Variants in SLC17A1 observed in about 807,000 individuals in gnomAD.
The protein encoded by SLC17A1 is solute carrier family 17 member 1, also known as sodium-dependent phosphate transport protein 1.
In SLC17A1, 51 loss-of-function variants were observed where a neutral mutation model predicts 53.5. The observed-to-expected ratio is 0.95, with a 90% CI of 0.76 to 1.20. The LOEUF is 1.20. Ranked by LOEUF, SLC17A1 falls within the 50% of genes most tolerant of loss-of-function variation. The pLI is 0.00. For missense variants in SLC17A1, 538 were observed against 568.2 expected (o/e 0.95, Z 0.54); for synonymous variants, 179 against 198.8 (o/e 0.90, Z 0.84).
At chr6:25,741,582 A>T in the SLC17A1 span, among the ~76,000 whole-genome samples, 3 of 151,982 alleles carry the variant, frequency 2.0e-5, no homozygotes, top group Non-Finnish European at 4.4e-5. Flanking sequence ...GGGCGTGGTC[A>T]TGGGCCGCCT....
At chr6:25,797,850 G>A (rs917454347) in intron 12 of SLC17A1, among the ~76,000 whole-genome samples, 2 of 151,952 alleles carry the variant, frequency 1.3e-5, no homozygotes, top group Admixed American at 6.6e-5. Flanking sequence ...CACCCGCCTC[G>A]TCCTCCCTAT....
rs200925990 is a variant in SLC17A1 at position 25,822,942 on chromosome 6, A to AT, written c.208-3028dup. Among the ~76,000 whole-genome samples the AT allele has an allele frequency of 9.1e-3, 1,380 of 151,564 alleles. 19 individuals carry two copies. Among genetic ancestry groups the AT allele is most frequent in the African/African-American group, 0.028 (1,172 of 41,338 alleles). ...TCTTTATCTCCAAAAACTTCCTCCT[A>AT]TTTTTTTTGTAATTCCTCCCTCCTG... On this transcript the variant is annotated intron_variant, in intron 3 of 12. Coordinates refer to ENST00000244527, the MANE Select transcript of SLC17A1 (RefSeq NM_005074.5).
At chr6:25,825,709 G>A (rs1764716677) in intron 3 of SLC17A1, among the ~76,000 whole-genome samples, 1 of 151,734 alleles carries the variant, frequency 6.6e-6, no homozygotes, top group Admixed American at 6.6e-5. Flanking sequence ...ATTATGGAAA[G>A]TTCTCAGCCA....
At chr6:25,744,339 C>G in the SLC17A1 span, among the ~76,000 whole-genome samples, 1 of 152,162 alleles carries the variant, frequency 6.6e-6, no homozygotes, top group South Asian at 2.1e-4. Flanking sequence ...AGGAAACACA[C>G]CTGTCCAGTT....
chr6:25,800,917 G>A lies in SLC17A1; in HGVS notation c.1242C>T (p.Ser414=). The A allele has an allele frequency of 6.2e-7, 1 of 1,608,316 alleles. No homozygotes were observed. Among genetic ancestry groups the A allele is most frequent in the Non-Finnish European group, 8.5e-7 (1 of 1,174,990 alleles). The change falls in exon 11 of 13, where the codon TCC becomes TCT. Residue 414 remains serine (S), a synonymous_variant. Coordinates refer to ENST00000244527, the MANE Select transcript of SLC17A1 (RefSeq NM_005074.5). ...GCTTAAGGATCAATCCAGTCAAAGTGGAAGCAATTAGTCCTCCTATCATTC... is the reference window on the plus strand; with the variant it reads ...GCTTAAGGATCAATCCAGTCAAAGTAGAAGCAATTAGTCCTCCTATCATTC... ...LTGMIGGLIA[S]TLTGLILKQD...
the SLC17A1 span, chr6:25,773,573 G>A: frequency 6.2e-7 from 1 of 1,613,900 alleles, no homozygotes; most frequent in Non-Finnish European, 8.5e-7. Context: ...ACCACTCTGG[G>A]CCATTTTAGT....
At chr6:25,745,097 T>G in the SLC17A1 span, among the ~76,000 whole-genome samples, 1 of 152,116 alleles carries the variant, frequency 6.6e-6, no homozygotes, top group African/African-American at 2.4e-5. Flanking sequence ...ATCAAACAGA[T>G]AGTAATCAAG....
At chr6:25,815,422 CCA>C (rs923989334) in intron 6 of SLC17A1, among the ~76,000 whole-genome samples, 2 of 151,446 alleles carry the variant, frequency 1.3e-5, no homozygotes, top group Non-Finnish European at 2.9e-5. Context: ...CCAAATGACC[CCA>C]GTTTTTTAAG....
chr6:25,753,845 G>A, the SLC17A1 span, among the ~76,000 whole-genome samples: 1 of 152,150 alleles, frequency 6.6e-6, no homozygotes, highest in African/African-American at 2.4e-5. Context: ...GGTGTGAAAG[G>A]AAAGGGGACT....
the SLC17A1 span, among the ~76,000 whole-genome samples, chr6:25,765,561 A>G: frequency 1.3e-5 from 2 of 152,248 alleles, no homozygotes; most frequent in African/African-American, 2.4e-5. Context: ...GACAATAACA[A>G]TAATAATAAA....
the SLC17A1 span, among the ~76,000 whole-genome samples, chr6:25,746,088 C>T: frequency 6.6e-6 from 1 of 152,170 alleles, no homozygotes; most frequent in African/African-American, 2.4e-5. Context: ...ATCTAGTGAA[C>T]TTAAATGTTT....
the SLC17A1 span, among the ~76,000 whole-genome samples, chr6:25,774,075 T>G: frequency 1.3e-5 from 2 of 152,168 alleles, no homozygotes; most frequent in Non-Finnish European, 2.9e-5. Flanking sequence ...GAGAAAATTG[T>G]GACAGAGAAA....
chr6:25,752,969 CA>C, the SLC17A1 span, among the ~76,000 whole-genome samples: 27,871 of 146,454 alleles, frequency 0.19, 2,961 homozygotes, highest in Non-Finnish European at 0.22. Flanking sequence ...CAAAAAAAAA[CA>C]AAAAAAAAAC....
the SLC17A1 span, among the ~76,000 whole-genome samples, chr6:25,763,226 C>A: frequency 8.2e-4 from 125 of 152,334 alleles, no homozygotes; most frequent in African/African-American, 3.0e-3. Context: ...CCACTCCAGG[C>A]TATAGCTGTA....
chr6:25,749,796 C>A, the SLC17A1 span, among the ~76,000 whole-genome samples: 2 of 152,028 alleles, frequency 1.3e-5, no homozygotes, highest in Non-Finnish European at 2.9e-5. Flanking sequence ...TTACTTTGAT[C>A]AATTCAATTT....
At chr6:25,817,874 A>C (rs1474346687) in intron 6 of SLC17A1, among the ~76,000 whole-genome samples, 2 of 152,158 alleles carry the variant, frequency 1.3e-5, no homozygotes, top group Non-Finnish European at 2.9e-5. Context: ...CCCTTTCCTG[A>C]TAAGGGGCTT....
the SLC17A1 span, chr6:25,761,930 G>C: frequency 6.5e-7 from 1 of 1,548,684 alleles, no homozygotes; most frequent in Non-Finnish European, 8.9e-7. Context: ...ATTTCAGTAA[G>C]TAAATGCCAG....
the SLC17A1 span, chr6:25,726,166 GTCT>G: frequency 6.4e-7 from 1 of 1,573,078 alleles, no homozygotes; most frequent in South Asian, 1.2e-5. Flanking sequence ...GTGACTCTCA[GTCT>G]TCTTGGGCAG....
At chr6:25,751,640 G>A in the SLC17A1 span, among the ~76,000 whole-genome samples, 369 of 152,298 alleles carry the variant, frequency 2.4e-3, 2 homozygotes, top group East Asian at 0.011. Flanking sequence ...GCCAAGACAC[G>A]ATGGTCATGA....
Sources: gnomAD v4.1 joint callset for allele counts (sites outside exome capture counted in the v4.1 genomes callset) on GRCh38, gnomAD v4.1.1 for gene constraint, MANE v1.5 for transcripts, NCBI Gene and HGNC (gene_info 2026-07-23, HGNC 2026-07-21) for gene names.